Variants in GIPC2 observed in about 807,000 individuals in gnomAD.
GIPC2 encodes GIPC PDZ domain containing family member 2, also known as PDZ domain-containing protein GIPC2.
A neutral mutation model predicts 30.6 loss-of-function variants in GIPC2; 30 were observed. The observed-to-expected ratio is 0.98, with a 90% CI of 0.73 to 1.33. The LOEUF (loss-of-function observed/expected upper bound fraction) is 1.33. Ranked by LOEUF, GIPC2 falls within the 40% of genes most tolerant of loss-of-function variation. The probability of loss-of-function intolerance (pLI) is 0.00; values close to 1 mark genes in which losing one functional copy is unlikely to be tolerated. For missense variants in GIPC2, 414 were observed against 390.3 expected (o/e 1.06, Z -0.51); for synonymous variants, 167 against 150.0 (o/e 1.11, Z -0.83).
At chr1:78,095,205 T>A in intron 3 of GIPC2, 73 bp downstream of exon 3, 1 of 983,972 alleles carries the variant, frequency 1.0e-6, no homozygotes, top group Non-Finnish European at 1.6e-6. Context: ...GGGAAATGAG[T>A]ACTGTGATAT....
intron 5 of GIPC2, among the ~76,000 whole-genome samples, chr1:78,132,514 A>C (rs1385548019): frequency 2.0e-5 from 3 of 152,158 alleles, no homozygotes; most frequent in Non-Finnish European, 4.4e-5. Context: ...TTGTGACTAG[A>C]AACCCAAAGC....
intron 2 of GIPC2, among the ~76,000 whole-genome samples, chr1:78,081,161 T>G (rs1282260301): frequency 6.6e-6 from 1 of 151,614 alleles, no homozygotes; most frequent in Non-Finnish European, 1.5e-5. Context: ...GGTTTTAACA[T>G]CTGATGAATT....
At chr1:78,080,009 T>C (rs1425708156) in intron 1 of GIPC2, among the ~76,000 whole-genome samples, 1 of 149,550 alleles carries the variant, frequency 6.7e-6, no homozygotes, top group East Asian at 2.1e-4. Context: ...CTCCCCCCTT[T>C]TTAAATTGGG....
At chr1:78,082,959 T>C (rs1325501903) in intron 2 of GIPC2, among the ~76,000 whole-genome samples, 2 of 152,030 alleles carry the variant, frequency 1.3e-5, no homozygotes, top group Non-Finnish European at 2.9e-5. Flanking sequence ...TATATATATA[T>C]ACTCTTTACC....
chr1:78,053,745 T>TACAA (rs1661237920), intron 1 of GIPC2, among the ~76,000 whole-genome samples: 1 of 88,680 alleles, frequency 1.1e-5, no homozygotes, highest in African/African-American at 4.7e-5. Flanking sequence ...CCCTGCCTCT[T>TACAA]AAAAAAAAAA....
intron 5 of GIPC2, among the ~76,000 whole-genome samples, chr1:78,126,640 C>T (rs1341343489): frequency 6.6e-6 from 1 of 152,136 alleles, no homozygotes; most frequent in East Asian, 1.9e-4. Context: ...CCCAAGTTCT[C>T]ATGCTGTCAT....
chr1:78,112,864 G>A (rs899758304), intron 3 of GIPC2, among the ~76,000 whole-genome samples: 5 of 152,216 alleles, frequency 3.3e-5, no homozygotes, highest in African/African-American at 1.2e-4. Flanking sequence ...AATGATATAT[G>A]TATATATAAA....
intron 1 of GIPC2, among the ~76,000 whole-genome samples, chr1:78,070,227 AATAATTATAATGT>A (rs1557531445): frequency 2.0e-5 from 3 of 152,176 alleles, no homozygotes; most frequent in African/African-American, 7.2e-5. Context: ...TCTCTTTACT[AATAATTATAATGT>A]ATAATTATGA....
intron 1 of GIPC2, among the ~76,000 whole-genome samples, chr1:78,060,183 CTT>C (rs974731021): frequency 6.9e-6 from 1 of 145,902 alleles, no homozygotes. Context: ...TTTCATCTCT[CTT>C]TTTTTTTTTT....
At chr1:78,084,918 A>G (rs180746495) in intron 2 of GIPC2, among the ~76,000 whole-genome samples, 1 of 152,192 alleles carries the variant, frequency 6.6e-6, no homozygotes, top group East Asian at 1.9e-4. Flanking sequence ...CCCTATTTGG[A>G]TGCCCTTTAT....
intron 5 of GIPC2, among the ~76,000 whole-genome samples, chr1:78,134,565 C>A (rs1662966790): frequency 6.6e-6 from 1 of 152,062 alleles, no homozygotes; most frequent in African/African-American, 2.4e-5. Flanking sequence ...CACTGCACCC[C>A]CACCCTACTT....
intron 1 of GIPC2, among the ~76,000 whole-genome samples, chr1:78,063,582 G>C (rs952312122): frequency 6.7e-6 from 1 of 148,814 alleles, no homozygotes; most frequent in South Asian, 2.2e-4. Flanking sequence ...TTTGAAAAGA[G>C]TAAGAATAAG....
intron 3 of GIPC2, among the ~76,000 whole-genome samples, chr1:78,104,839 ACT>A (rs746195429): frequency 1.4e-4 from 22 of 152,074 alleles, no homozygotes; most frequent in Middle Eastern, 3.4e-3. Context: ...TGACAGTGAT[ACT>A]CTCTTTCATG....
Position 78,135,720 on chromosome 1 carries a change from G to A in GIPC2, c.925G>A (p.Asp309Asn), listed in dbSNP as rs771262251. 2 of 1,613,666 alleles carry A rather than the reference G, an allele frequency of 1.2e-6. No homozygotes were observed. Among genetic ancestry groups the A allele is most frequent in the Non-Finnish European group, 1.7e-6 (2 of 1,179,764 alleles). The change falls in exon 6 of 6, where the codon GAT becomes AAT. Residue 309 changes from aspartate to asparagine, a missense_variant. Transcript: ENST00000370759. ...CTTTGATGTTTGGGGAGTCATTGGT[G>A]ATGCCAAACGAAGAGGATTATGATG... Reference protein sequence around the residue: ...FVFDVWGVIGDAKRRGL With the variant: ...FVFDVWGVIGNAKRRGL
intron 5 of GIPC2, among the ~76,000 whole-genome samples, chr1:78,132,151 A>G (rs1662910952): frequency 6.6e-6 from 1 of 152,208 alleles, no homozygotes; most frequent in South Asian, 2.1e-4. Context: ...TTAGAATCCT[A>G]ATTTTCACAT....
intron 5 of GIPC2, among the ~76,000 whole-genome samples, chr1:78,129,917 AAAG>A (rs1662859117): frequency 6.6e-6 from 1 of 152,156 alleles, no homozygotes; most frequent in Non-Finnish European, 1.5e-5. Context: ...AGATGTGTGG[AAAG>A]AAGATTTGAA....
intron 3 of GIPC2, among the ~76,000 whole-genome samples, chr1:78,102,950 C>G (rs1026132096): frequency 1.3e-5 from 2 of 152,204 alleles, no homozygotes; most frequent in Non-Finnish European, 2.9e-5. Flanking sequence ...TATCACATCT[C>G]ATATCAACTA....
intron 3 of GIPC2, among the ~76,000 whole-genome samples, chr1:78,119,032 C>G (rs936766157): frequency 1.1e-4 from 17 of 151,408 alleles, no homozygotes; most frequent in Admixed American, 9.9e-4. Flanking sequence ...AGAAACCTCT[C>G]TTCTTTCAAG....
At chr1:78,054,325 AG>A (rs1272825993) in intron 1 of GIPC2, among the ~76,000 whole-genome samples, 1 of 152,214 alleles carries the variant, frequency 6.6e-6, no homozygotes, top group East Asian at 1.9e-4. Flanking sequence ...ATGGTTAGCT[AG>A]ATGGTTTAGC....
Sources: gnomAD v4.1 joint callset for allele counts (sites outside exome capture counted in the v4.1 genomes callset) on GRCh38, gnomAD v4.1.1 for gene constraint, MANE v1.5 for transcripts, NCBI Gene and HGNC (gene_info 2026-07-23, HGNC 2026-07-21) for gene names.